PEAR1: variants seen among roughly 807,000 people sequenced by gnomAD.
PEAR1 encodes platelet endothelial aggregation receptor 1, also known as multiple EGF-like domains protein 12.
Under a neutral mutation model 131.2 loss-of-function variants are expected in PEAR1, and 113 were observed. The ratio of observed to expected loss-of-function variants is 0.86; its 90% CI spans 0.74 to 1.01. PEAR1 has a LOEUF of 1.01. Ranked by LOEUF, PEAR1 falls within the 50% of genes least tolerant of loss-of-function variation. The pLI is 0.00. For synonymous variants in PEAR1, 565 were observed against 523.3 expected, an observed-to-expected ratio of 1.08 and a Z score of -1.09; for missense variants, 1,408 against 1,391.1, an observed-to-expected ratio of 1.01 and a Z score of -0.19.
Position 156,912,986 on chromosome 1 carries a change from A to G in PEAR1, c.2422+4A>G, listed in dbSNP as rs761331481. The G allele has an allele frequency of 1.2e-6, 2 of 1,614,006 alleles. No individual in the cohort carries two copies. Among genetic ancestry groups the G allele is most frequent in the Non-Finnish European group, 1.7e-6 (2 of 1,179,998 alleles). Reference sequence around the variant, plus strand: ...GGCTCCGAGTATGTCATGCCAGGTGAGCTGGCACAGGGCCTGGGGCACAGA... The same window carrying G: ...GGCTCCGAGTATGTCATGCCAGGTGGGCTGGCACAGGGCCTGGGGCACAGA... On this transcript the variant is annotated splice_donor_region_variant and intron_variant, in intron 18 of 22. Coordinates refer to ENST00000292357, the MANE Select transcript of PEAR1 (RefSeq NM_001080471.3).
Position 156,912,957 on chromosome 1 carries a change from G to T in PEAR1, c.2397G>T (p.Leu799=), listed in dbSNP as rs1470588274. 3 of 1,614,184 alleles carry T rather than the reference G, an allele frequency of 1.9e-6. No individual in the cohort carries two copies. The highest frequency in any genetic ancestry group is 2.5e-6 in the Non-Finnish European group (3 of 1,180,040). Residue 799 remains leucine, a synonymous_variant, in exon 18 of 23, where the codon CTG becomes CTT. Transcript: ENST00000292357. Reference sequence around the variant, plus strand: ...CTGTGGCTTACAGCAGCGGGCGCCTGGACGGCTCCGAGTATGTCATGCCAG... The same window carrying T: ...CTGTGGCTTACAGCAGCGGGCGCCTTGACGGCTCCGAGTATGTCATGCCAG... The part of the protein sequence containing the change: ...HLAVAYSSGR[L]DGSEYVMPDV...
intron 1 of PEAR1, among the ~76,000 whole-genome samples, chr1:156,895,692 G>A (rs537853849): frequency 6.6e-6 from 1 of 152,296 alleles, no homozygotes; most frequent in South Asian, 2.1e-4. Context: ...GAAAAATAGA[G>A]CAGAGACCTA....
chr1:156,914,690 A>AC lies in PEAR1; in HGVS notation c.3012dup (p.Gly1005ArgfsTer4). ...CCCAGCCCCCTCTGCCTCCGGGCCTACCCCCCGGCCACTATGACTCACCCA... is the reference window on the plus strand; with the variant it reads ...CCCAGCCCCCTCTGCCTCCGGGCCTACCCCCCCGGCCACTATGACTCACCCA... On this transcript the variant is annotated frameshift_variant, in exon 23 of 23. Coordinates refer to ENST00000292357, the MANE Select transcript of PEAR1 (RefSeq NM_001080471.3). LOFTEE classifies it high-confidence loss of function. The AC allele has an allele frequency of 2.5e-6, 4 of 1,612,846 alleles. No individual in the cohort carries two copies. Among genetic ancestry groups the AC allele is most frequent in the Non-Finnish European group, 2.5e-6 (3 of 1,179,396 alleles).
chr1:156,912,759 A>G lies in PEAR1; in HGVS notation c.2210-11A>G. 1 of 1,614,024 alleles carries G rather than the reference A, an allele frequency of 6.2e-7. No homozygotes were observed. The highest frequency in any genetic ancestry group is 8.5e-7 in the Non-Finnish European group (1 of 1,179,932). ...AGATGCCATTCTGAGTGAGCACCCC[A>G]TTCCACACAGGAATCCAGGAGCCCT... On this transcript the variant is annotated splice_polypyrimidine_tract_variant and intron_variant, in intron 17 of 22. Transcript: ENST00000292357.
Position 156,910,605 on chromosome 1 carries a change from C to T in PEAR1, c.1826-13C>T, listed in dbSNP as rs756008431. The T allele has an allele frequency of 5.6e-6, 9 of 1,613,280 alleles. No individual in the cohort carries two copies. Among genetic ancestry groups the T allele is most frequent in the Non-Finnish European group, 7.6e-6 (9 of 1,179,786 alleles). On this transcript the variant is annotated splice_polypyrimidine_tract_variant and intron_variant, in intron 14 of 22. Coordinates refer to ENST00000292357, the MANE Select transcript of PEAR1 (RefSeq NM_001080471.3). ...GCCTCTGCCCCCAATCACCATGTAC[C>T]CCTTTCCCCCAGCCTGTCAGCCTGG... is the stretch of plus-strand genomic sequence containing the variant.
At position 156,911,203 on chromosome 1, in the gene PEAR1, T is replaced by TCTTTCTTTCTTTCTTTC. The variant is rs1329515364; in HGVS notation, c.1951+477_1951+493dup. Among the ~76,000 whole-genome samples the TCTTTCTTTCTTTCTTTC allele has an allele frequency of 1.3e-3, 141 of 109,482 alleles. 5 individuals are homozygous for TCTTTCTTTCTTTCTTTC. The highest frequency in any genetic ancestry group is 1.6e-3 in the Non-Finnish European group (92 of 56,576). 71.8% of individuals were successfully genotyped at this position (109,482 alleles called of 152,430 possible). A position where few individuals can be genotyped will look rare whatever the true frequency, so the allele number is the denominator to read the frequency against. The stretch of plus-strand genomic sequence containing the variant: ...TTCTTTCTTCTTTCTTTCTTTCTTT[T>TCTTTCTTTCTTTCTTTC]CTTTCTTTCTTTCTTTCCTTTCTTT... On this transcript the variant is annotated intron_variant, in intron 15 of 22. Transcript: ENST00000292357.
chr1:156,912,708 A>G, intron 17 of PEAR1, 62 bp from the exon 18 acceptor site: 1 of 1,611,580 alleles, frequency 6.2e-7, no homozygotes, highest in Admixed American at 1.7e-5. Context: ...TTCCCTCCTG[A>G]GCACCTCTCC....
At chr1:156,895,633 G>C (rs554458371) in intron 1 of PEAR1, among the ~76,000 whole-genome samples, 1 of 152,312 alleles carries the variant, frequency 6.6e-6, no homozygotes, top group East Asian at 1.9e-4. Flanking sequence ...ACACAGCAGA[G>C]GCACAGACTC....
chr1:156,904,673 T>C, intron 2 of PEAR1, 75 bp from the exon 3 acceptor site: 1 of 1,434,592 alleles, frequency 7.0e-7, no homozygotes, highest in Non-Finnish European at 9.5e-7. Context: ...GGCCAAGCCC[T>C]CATGGCCATT....
At chr1:156,903,837 C>T (rs1159411692) in intron 1 of PEAR1, 81 bp from the exon 2 acceptor site, 2 of 1,178,864 alleles carry the variant, frequency 1.7e-6, no homozygotes, top group Non-Finnish European at 2.5e-6. Flanking sequence ...TCTGCATGCC[C>T]ACGGCTCAGA....
At position 156,911,576 on chromosome 1, in the gene PEAR1, G is replaced by A. The variant is rs1182135973; in HGVS notation, c.1952-671G>A. 2.0e-5 allele frequency among the ~76,000 whole-genome samples: 3 copies of A among 151,514 alleles called. 1 individual carries two copies. In the South Asian group the frequency reaches 6.2e-4, roughly 32 times the overall value. ...CCCAAAGTGCTGGGATTACAGGTGT[G>A]AGCCACTGCGCCCAGCCCTTTTTTT... is the stretch of plus-strand genomic sequence containing the variant. On this transcript the variant is annotated intron_variant, in intron 15 of 22. Transcript: ENST00000292357.
At chr1:156,905,897 C>T (rs1203069368) in intron 4 of PEAR1, among the ~76,000 whole-genome samples, 3 of 152,134 alleles carry the variant, frequency 2.0e-5, no homozygotes, top group African/African-American at 7.2e-5. Flanking sequence ...AGCCTGTCTT[C>T]CTCTTCCTCC....
rs1650876910 is a variant in PEAR1, at chr1:156,910,093, C to T, written c.1663C>T (p.Gln555Ter). The T allele has an allele frequency of 6.2e-7, 1 of 1,614,036 alleles. No individual in the cohort carries two copies. The highest frequency in any genetic ancestry group is 1.1e-5 in the South Asian group (1 of 91,088). The change falls in exon 13 of 23, where the codon CAG (glutamine) becomes TAG (stop). Residue 555 changes from glutamine to a stop codon, truncating the protein, a stop_gained. Transcript: ENST00000292357. LOFTEE classifies it high-confidence loss of function. ...CDPVHGRCQC[Q>*]AGWMGARCHL... is the part of the protein sequence containing the mutation. ...CCCTGTTCATGGACGCTGTCAGTGCCAGGCTGGCTGGATGGGTGAGCATTC... is the reference window on the plus strand; with the variant it reads ...CCCTGTTCATGGACGCTGTCAGTGCTAGGCTGGCTGGATGGGTGAGCATTC...
intron 3 of PEAR1, 199 bp downstream of exon 3, chr1:156,905,051 G>A (rs542459667): frequency 5.1e-5 from 75 of 1,467,448 alleles, no homozygotes; most frequent in African/African-American, 2.6e-4. Flanking sequence ...TTTAGGGTAC[G>A]CATGCATGTT....
In PEAR1 at chr1:156,908,558, A is replaced by G; in HGVS notation, c.1116-97A>G. ...GCCTCCCTAGTGACCCCCTTACCCC[A>G]GCGATGTGCGAATCCCACTGACCAC... is the stretch of plus-strand genomic sequence containing the variant. On this transcript the variant is annotated intron_variant, in intron 9 of 22. Transcript: ENST00000292357. This position sits in a 1 kb window ranked among gnomAD's most constrained non-coding sequence, Gnocchi z 4.2. 1 of 1,298,168 alleles carries G rather than the reference A, an allele frequency of 7.7e-7. No homozygotes were observed. Among genetic ancestry groups the G allele is most frequent in the Non-Finnish European group, 1.0e-6 (1 of 969,556 alleles). 80.4% of individuals were successfully genotyped at this position (1,298,168 alleles called of 1,614,324 possible).
intron 2 of PEAR1, among the ~76,000 whole-genome samples, 156 bp downstream of exon 2, chr1:156,904,183 A>C (rs1570951038): frequency 2.0e-5 from 3 of 148,852 alleles, no homozygotes; most frequent in South Asian, 4.4e-4. Context: ...TGCTCTCTCT[A>C]CTCCTCTCTA....
At chr1:156,901,670 G>A (rs894943040) in intron 1 of PEAR1, among the ~76,000 whole-genome samples, 3 of 152,184 alleles carry the variant, frequency 2.0e-5, no homozygotes, top group African/African-American at 4.8e-5. Flanking sequence ...GGGGCCCCAC[G>A]CCAGGGCCAG....
chr1:156,911,057 C>CTTTT (rs61482330), intron 15 of PEAR1, among the ~76,000 whole-genome samples: 1,261 of 112,520 alleles, frequency 0.011, 33 homozygotes, highest in African/African-American at 0.062. Flanking sequence ...TTCTTTCTTT[C>CTTTT]TTTCTTTCTT....
In PEAR1 at chr1:156,913,429, G is replaced by T; in HGVS notation, c.2550G>T (p.Glu850Asp). ...GPLFASLQNP[E>D]RPGGAQGHDN... ...TCTTTGCCAGCCTGCAGAACCCTGA[G>T]CGGCCAGGTGGGGCCCAAGGGCATG... Residue 850 changes from glutamate (E) to aspartate (D), a missense_variant, in exon 20 of 23, where the codon GAG becomes GAT. Physicochemically the swap from Glu to Asp is conservative, Grantham distance 45 (BLOSUM62 2). Transcript: ENST00000292357. 1 of 1,613,932 alleles carries T rather than the reference G, an allele frequency of 6.2e-7. No homozygotes were observed. The highest frequency in any genetic ancestry group is 8.5e-7 in the Non-Finnish European group (1 of 1,180,028).
Sources: gnomAD v4.1 joint callset for allele counts (sites outside exome capture counted in the v4.1 genomes callset) on GRCh38, gnomAD v4.1.1 for gene constraint, Gnocchi (gnomAD v3.1) non-coding constraint, MANE v1.5 for transcripts, NCBI Gene and HGNC (gene_info 2026-07-23, HGNC 2026-07-21) for gene names.